QRFPR: variants seen among roughly 807,000 people sequenced by gnomAD.
QRFPR encodes the protein pyroglutamylated RFamide peptide receptor.
A neutral mutation model predicts 31.3 loss-of-function variants in QRFPR; 37 were observed. That is an observed-to-expected ratio of 1.18 (90% CI 0.91 to 1.56). QRFPR has a LOEUF of 1.56. Among genes scored for constraint, QRFPR ranks in the 40% most tolerant of loss-of-function variants. The probability of loss-of-function intolerance (pLI) is 0.00; values close to 1 mark genes in which losing one functional copy is unlikely to be tolerated. For synonymous variants in QRFPR, 197 were observed against 192.0 expected, an observed-to-expected ratio of 1.03 and a Z score of -0.22; for missense variants, 542 against 532.5, an observed-to-expected ratio of 1.02 and a Z score of -0.18.
At position 121,329,661 on chromosome 4, in the gene QRFPR, C is replaced by A. The variant is rs751553958; in HGVS notation, c.949G>T (p.Val317Leu). 3 of 1,578,502 alleles carry A rather than the reference C, an allele frequency of 1.9e-6. No homozygotes were observed. The highest frequency in any genetic ancestry group is 2.6e-6 in the Non-Finnish European group (3 of 1,163,156). Residue 317 changes from valine to leucine, a missense_variant, in exon 6 of 6, where the codon GTG becomes TTG. Val to Leu is a conservative substitution (Grantham distance 32). Transcript: ENST00000394427. ...GAGTTGGAAAATCCAATAATTTGCA[C>A]GATAGCAAAAATCATCTTGATTGTG... Reference protein sequence around the residue: ...DVTIKMIFAIVQIIGFSNSIC... With the variant: ...DVTIKMIFAILQIIGFSNSIC...
At chr4:121,349,598 C>G (rs1315267849) in intron 1 of QRFPR, among the ~76,000 whole-genome samples, 1 of 152,146 alleles carries the variant, frequency 6.6e-6, no homozygotes, top group Non-Finnish European at 1.5e-5. Flanking sequence ...ACATACCCCC[C>G]ATTTAATATC....
intron 2 of QRFPR, 93 bp downstream of exon 2, chr4:121,340,359 T>C (rs1196782032): frequency 1.5e-6 from 2 of 1,334,096 alleles, no homozygotes; most frequent in East Asian, 4.8e-5. Flanking sequence ...ACAAGTTAGA[T>C]AAGAAGCTAC....
intron 1 of QRFPR, among the ~76,000 whole-genome samples, chr4:121,367,386 C>A (rs567171313): frequency 6.7e-6 from 1 of 150,102 alleles, no homozygotes; most frequent in Admixed American, 6.6e-5. Context: ...GAAAGCAGCA[C>A]CCTTTTCTGT....
intron 1 of QRFPR, among the ~76,000 whole-genome samples, chr4:121,360,466 G>A (rs28716099): frequency 0.029 from 4,377 of 152,186 alleles, 210 homozygotes; most frequent in African/African-American, 0.099. Flanking sequence ...ATACTGCTGA[G>A]TTCTGATGGG....
At chr4:121,375,206 C>T (rs13146879) in intron 1 of QRFPR, among the ~76,000 whole-genome samples, 2,730 of 152,282 alleles carry the variant, frequency 0.018, 45 homozygotes, top group Non-Finnish European at 0.029. Flanking sequence ...TCAGCTACCA[C>T]GAGTCCCATT....
At position 121,376,482 on chromosome 4, in the gene QRFPR, G is replaced by T. The variant is rs148595194; in HGVS notation, c.340+3826C>A. ...TTCATGGTCCCAGCAGTGTACAAAA[G>T]AAAACTCAATGTCTTTGCTCAGTGG... On this transcript the variant is annotated intron_variant, in intron 1 of 5. Transcript: ENST00000394427. Among the ~76,000 whole-genome samples, 18 of 151,748 alleles carry T rather than the reference G, an allele frequency of 1.2e-4. No homozygotes were observed. The East Asian group carries it at 1.7e-3, about 15-fold the overall frequency.
chr4:121,356,245 A>C (rs548509430), intron 1 of QRFPR, among the ~76,000 whole-genome samples: 2 of 152,240 alleles, frequency 1.3e-5, no homozygotes, highest in African/African-American at 4.8e-5. Flanking sequence ...TGGGTGTTCC[A>C]ATGTTGCTTA....
intron 3 of QRFPR, among the ~76,000 whole-genome samples, chr4:121,335,588 G>GGAGAGGA (rs1725419808): frequency 1.0e-5 from 1 of 99,192 alleles, no homozygotes; most frequent in African/African-American, 3.2e-5. Flanking sequence ...TGGGGGGTGG[G>GGAGAGGA]GCGGGGAGAG....
At chr4:121,356,943 A>G (rs929906888) in intron 1 of QRFPR, among the ~76,000 whole-genome samples, 1 of 152,054 alleles carries the variant, frequency 6.6e-6, no homozygotes, top group South Asian at 2.1e-4. Context: ...TCTTTCTTGA[A>G]GAATATGCCC....
intron 3 of QRFPR, among the ~76,000 whole-genome samples, 165 bp from the exon 4 acceptor site, chr4:121,333,221 T>C (rs185014897): frequency 1.3e-5 from 2 of 152,322 alleles, no homozygotes; most frequent in East Asian, 1.9e-4. Context: ...TTGTGAAGCA[T>C]AGTTTTTCCA....
chr4:121,364,484 A>T (rs555502258), intron 1 of QRFPR, among the ~76,000 whole-genome samples: 16 of 148,814 alleles, frequency 1.1e-4, no homozygotes, highest in Non-Finnish European at 2.1e-4. Flanking sequence ...AAAATACAAA[A>T]ACAAAATTAG....
intron 3 of QRFPR, among the ~76,000 whole-genome samples, chr4:121,333,867 G>A (rs1725383765): frequency 1.3e-5 from 2 of 152,150 alleles, no homozygotes; most frequent in Non-Finnish European, 2.9e-5. Context: ...TAGTTACTGT[G>A]GAGCTGAATA....
At chr4:121,333,870 G>A (rs1463890744) in intron 3 of QRFPR, among the ~76,000 whole-genome samples, 1 of 152,170 alleles carries the variant, frequency 6.6e-6, no homozygotes, top group Non-Finnish European at 1.5e-5. Context: ...TTACTGTGGA[G>A]CTGAATACTT....
intron 1 of QRFPR, among the ~76,000 whole-genome samples, chr4:121,342,616 C>A (rs930931288): frequency 1.3e-5 from 2 of 152,008 alleles, no homozygotes; most frequent in African/African-American, 4.8e-5. Flanking sequence ...ATATATGCTG[C>A]TAATTTGTTT....
chr4:121,368,081 T>C (rs186371808), intron 1 of QRFPR, among the ~76,000 whole-genome samples: 1 of 149,954 alleles, frequency 6.7e-6, no homozygotes, highest in African/African-American at 2.5e-5. Flanking sequence ...AAACTGAACT[T>C]GTACACAGTG....
chr4:121,334,546 T>A (rs1471896842), intron 3 of QRFPR: 1 of 238,890 alleles, frequency 4.2e-6, no homozygotes, highest in East Asian at 1.2e-4. Context: ...GCCACATTGA[T>A]CAAGGCATCA....
At chr4:121,345,919 CT>C (rs1388339398) in intron 1 of QRFPR, among the ~76,000 whole-genome samples, 1 of 152,060 alleles carries the variant, frequency 6.6e-6, no homozygotes, top group African/African-American at 2.4e-5. Flanking sequence ...GTAACAGGGA[CT>C]TTTAAAAGGA....
chr4:121,367,558 C>T (rs1048861054), intron 1 of QRFPR, among the ~76,000 whole-genome samples: 2 of 150,076 alleles, frequency 1.3e-5, no homozygotes, highest in Non-Finnish European at 3.0e-5. Context: ...AAGTACACAC[C>T]AAATATATTT....
In QRFPR at chr4:121,328,825, G is replaced by A. The variant is rs577859262; in HGVS notation, c.*489C>T. Among the ~76,000 whole-genome samples, 1 of 152,198 alleles carries A rather than the reference G, an allele frequency of 6.6e-6. No homozygotes were observed. The highest frequency in any genetic ancestry group is 6.5e-5 in the Admixed American group (1 of 15,294). On this transcript the variant is annotated 3_prime_UTR_variant, in exon 6 of 6. Transcript: ENST00000394427. ...GGCTGGAGTGCAGTGGCATGATCTC[G>A]GATCACTGCAAGCTCCGCCTCCCGG...
Sources: allele counts gnomAD v4.1 joint callset (sites outside exome capture counted in the v4.1 genomes callset), GRCh38; gene constraint gnomAD v4.1.1; transcripts MANE v1.5; gene names NCBI Gene and HGNC (gene_info 2026-07-23, HGNC 2026-07-21).